The following SLC24A3 variants were observed in gnomAD, a reference collection of about 807,000 sequenced individuals.
SLC24A3 encodes sodium/potassium/calcium exchanger 3.
In SLC24A3, 28 loss-of-function variants were observed where a neutral mutation model predicts 75.8. The observed-to-expected ratio is 0.37, with a 90% CI of 0.27 to 0.51. The LOEUF (loss-of-function observed/expected upper bound fraction) is 0.51, where lower values mean the gene tolerates loss of function less well. Among genes scored for constraint, SLC24A3 ranks in the 20% least tolerant of loss-of-function variants. The pLI is 0.94. For synonymous variants in SLC24A3, 372 were observed against 334.1 expected, an observed-to-expected ratio of 1.11 and a Z score of -1.24; for missense variants, 663 against 847.8, an observed-to-expected ratio of 0.78 and a Z score of 2.71.
intron 3 of SLC24A3, among the ~76,000 whole-genome samples, chr20:19,536,667 C>T (rs2030404205): frequency 6.6e-6 from 1 of 152,100 alleles, no homozygotes; most frequent in African/African-American, 2.4e-5. Flanking sequence ...GGGACTGGTA[C>T]CAAAACAGAG....
chr20:19,677,764 G>A (rs2122733885), intron 9 of SLC24A3, among the ~76,000 whole-genome samples: 1 of 146,128 alleles, frequency 6.8e-6, no homozygotes, highest in Admixed American at 7.0e-5. Context: ...AGGGGGATTT[G>A]GCAGGGTCGT....
At chr20:19,624,536 G>A (rs1775133424) in intron 6 of SLC24A3, among the ~76,000 whole-genome samples, 1 of 152,148 alleles carries the variant, frequency 6.6e-6, no homozygotes, top group Non-Finnish European at 1.5e-5. Flanking sequence ...TCTTCTCATG[G>A]TGATGGCAAA....
chr20:19,285,198 C>T (rs1983780253), intron 2 of SLC24A3, among the ~76,000 whole-genome samples: 1 of 152,152 alleles, frequency 6.6e-6, no homozygotes, highest in Admixed American at 6.5e-5. Context: ...AAAAATGGCA[C>T]TGGGCGCGGT....
At chr20:19,506,090 T>G (rs1378845230) in intron 2 of SLC24A3, among the ~76,000 whole-genome samples, 1 of 152,198 alleles carries the variant, frequency 6.6e-6, no homozygotes, top group Non-Finnish European at 1.5e-5. Flanking sequence ...CATTAACAAT[T>G]AAGACTCAAA....
At chr20:19,231,166 C>G (rs1982010921) in intron 1 of SLC24A3, among the ~76,000 whole-genome samples, 1 of 152,194 alleles carries the variant, frequency 6.6e-6, no homozygotes, top group Non-Finnish European at 1.5e-5. Context: ...TCTGTGAAAA[C>G]ACTCTTACAC....
intron 2 of SLC24A3, among the ~76,000 whole-genome samples, chr20:19,493,971 T>C (rs1056617324): frequency 1.3e-5 from 2 of 152,238 alleles, no homozygotes; most frequent in African/African-American, 2.4e-5. Flanking sequence ...TCCAACTTCC[T>C]TGGCCTAGCT....
At chr20:19,320,714 C>T (rs1984688160) in intron 2 of SLC24A3, among the ~76,000 whole-genome samples, 1 of 152,052 alleles carries the variant, frequency 6.6e-6, no homozygotes, top group African/African-American at 2.4e-5. Flanking sequence ...TGATATGATC[C>T]TCCCATATGC....
At chr20:19,671,639 T>TTTTTTTTG (rs149257547) in intron 8 of SLC24A3, among the ~76,000 whole-genome samples, 13 of 150,654 alleles carry the variant, frequency 8.6e-5, no homozygotes, top group East Asian at 3.9e-4. Flanking sequence ...AGGGTTGGTT[T>TTTTTTTTG]TTTTTTTGTT....
At chr20:19,225,016 A>G (rs1281754380) in intron 1 of SLC24A3, among the ~76,000 whole-genome samples, 1 of 152,186 alleles carries the variant, frequency 6.6e-6, no homozygotes, top group Admixed American at 6.5e-5. Context: ...GATTTGTTTA[A>G]TCAGAAACAC....
At chr20:19,482,697 T>C (rs1988074878) in intron 2 of SLC24A3, among the ~76,000 whole-genome samples, 1 of 152,230 alleles carries the variant, frequency 6.6e-6, no homozygotes, top group Non-Finnish European at 1.5e-5. Context: ...CATTGGAGGA[T>C]TGTTCTTTCT....
intron 3 of SLC24A3, among the ~76,000 whole-genome samples, chr20:19,516,142 A>G (rs2029982786): frequency 6.6e-6 from 1 of 152,174 alleles, no homozygotes; most frequent in African/African-American, 2.4e-5. Flanking sequence ...TAGAAGATGA[A>G]CAAGAAAAGC....
At chr20:19,320,416 C>G (rs1400448955) in intron 2 of SLC24A3, among the ~76,000 whole-genome samples, 1 of 152,034 alleles carries the variant, frequency 6.6e-6, no homozygotes, top group Non-Finnish European at 1.5e-5. Context: ...GCTCATTTTT[C>G]TGGGACAGAT....
chr20:19,710,026 G>A (rs1277525591), intron 15 of SLC24A3, among the ~76,000 whole-genome samples: 1 of 152,194 alleles, frequency 6.6e-6, no homozygotes, highest in Non-Finnish European at 1.5e-5. Context: ...TTGCCACCCA[G>A]TGATATTTTA....
chr20:19,306,909 G>C (rs13038745), intron 2 of SLC24A3, among the ~76,000 whole-genome samples: 6 of 152,076 alleles, frequency 3.9e-5, no homozygotes, highest in Non-Finnish European at 8.8e-5. Context: ...AACCTCTCAC[G>C]TGACACTGCA....
At chr20:19,520,617 C>A (rs760049374) in intron 3 of SLC24A3, among the ~76,000 whole-genome samples, 10 of 152,228 alleles carry the variant, frequency 6.6e-5, no homozygotes, top group Admixed American at 1.3e-4. Context: ...GGGCTCCCTA[C>A]AAGTGGAGGT....
intron 2 of SLC24A3, among the ~76,000 whole-genome samples, chr20:19,377,007 A>C (rs1291751310): frequency 6.6e-6 from 1 of 152,252 alleles, no homozygotes; most frequent in African/African-American, 2.4e-5. Context: ...ATCACGTGGC[A>C]GTTGAAAAGC....
chr20:19,664,972 C>T (rs145188439), intron 7 of SLC24A3, among the ~76,000 whole-genome samples: 12 of 152,358 alleles, frequency 7.9e-5, no homozygotes, highest in Middle Eastern at 3.4e-3. Flanking sequence ...CTTATGTTCT[C>T]TGTGACTCAG....
At chr20:19,449,137 C>T (rs1333563363) in intron 2 of SLC24A3, among the ~76,000 whole-genome samples, 1 of 152,160 alleles carries the variant, frequency 6.6e-6, no homozygotes, top group African/African-American at 2.4e-5. Context: ...GACTCCATGG[C>T]GGTAGAACTG....
intron 3 of SLC24A3, among the ~76,000 whole-genome samples, chr20:19,551,363 G>A (rs2030690555): frequency 6.6e-6 from 1 of 152,164 alleles, no homozygotes; most frequent in African/African-American, 2.4e-5. Context: ...AGTGAGGTTG[G>A]ATGGACAAGA....
Sources: gnomAD v4.1 joint callset for allele counts (sites outside exome capture counted in the v4.1 genomes callset) on GRCh38, gnomAD v4.1.1 for gene constraint, MANE v1.5 for transcripts, NCBI Gene and HGNC (gene_info 2026-07-23, HGNC 2026-07-21) for gene names.